CCDC102B: variants seen among roughly 807,000 people sequenced by gnomAD.
CCDC102B encodes coiled-coil domain containing 102B, also known as coiled-coil domain-containing protein 102B.
In CCDC102B, 75 loss-of-function variants were observed where a neutral mutation model predicts 57.4. The observed-to-expected ratio is 1.31, with a 90% CI of 1.08 to 1.58. CCDC102B has a LOEUF of 1.58. Ranked by LOEUF, CCDC102B falls within the 40% of genes most tolerant of loss-of-function variation. CCDC102B has a pLI of 0.00. For synonymous variants in CCDC102B, 206 were observed against 201.9 expected, an observed-to-expected ratio of 1.02 and a Z score of -0.17; for missense variants, 636 against 582.6, an observed-to-expected ratio of 1.09 and a Z score of -0.94.
chr18:68,984,215 C>T (rs1446610396), intron 6 of CCDC102B, among the ~76,000 whole-genome samples: 3 of 151,844 alleles, frequency 2.0e-5, no homozygotes, highest in Non-Finnish European at 4.4e-5. Context: ...CTATGAGCTA[C>T]CACAGGCTTG....
At chr18:68,727,053 C>T (rs11876476) in intron 2 of CCDC102B, among the ~76,000 whole-genome samples, 3,337 of 152,210 alleles carry the variant, frequency 0.022, 126 homozygotes, top group African/African-American at 0.075. Context: ...AAATCGTTAT[C>T]ATCTACTTTG....
At chr18:68,797,203 T>G (rs901097317), upstream of CCDC102B, among the ~76,000 whole-genome samples, 4 of 152,032 alleles carry the variant, frequency 2.6e-5, no homozygotes, top group African/African-American at 9.7e-5. Flanking sequence ...GAATGTTAAG[T>G]AGAGATAGAT....
chr18:68,951,961 A>G lies in CCDC102B; in HGVS notation c.1263+54533A>G, dbSNP rs955498364. Among the ~76,000 whole-genome samples, 7 of 152,244 alleles carry G rather than the reference A, an allele frequency of 4.6e-5. No individual in the cohort carries two copies. The East Asian group carries it at 1.2e-3, about 25-fold the overall frequency. On this transcript the variant is annotated intron_variant, in intron 6 of 7. Transcript: ENST00000360242. ...GATTCTCATTATTTATTTCCTTTCC[A>G]TTAGTATCCATACACATATTTAAAC...
At chr18:69,029,639 T>C (rs983539481) in intron 7 of CCDC102B, among the ~76,000 whole-genome samples, 2 of 152,316 alleles carry the variant, frequency 1.3e-5, no homozygotes, top group East Asian at 1.9e-4. Flanking sequence ...GAGGATATTT[T>C]TGGAGGTTCA....
At chr18:68,870,287 A>T (rs559197289) in intron 4 of CCDC102B, among the ~76,000 whole-genome samples, 2 of 152,280 alleles carry the variant, frequency 1.3e-5, no homozygotes, top group African/African-American at 4.8e-5. Flanking sequence ...GCAGCAAACC[A>T]CCATGACACA....
chr18:68,972,645 T>A (rs952984726), intron 6 of CCDC102B, among the ~76,000 whole-genome samples: 3 of 152,172 alleles, frequency 2.0e-5, no homozygotes, highest in African/African-American at 7.2e-5. Flanking sequence ...TGAATTTTAG[T>A]TTTAGGAATC....
chr18:68,912,939 T>C (rs1259644601), intron 6 of CCDC102B, among the ~76,000 whole-genome samples: 3 of 152,208 alleles, frequency 2.0e-5, no homozygotes, highest in African/African-American at 4.8e-5. Context: ...AATGCAATAT[T>C]TCCTTGGAAT....
intron 1 of CCDC102B, among the ~76,000 whole-genome samples, chr18:68,823,746 A>G (rs1326518731): frequency 1.3e-5 from 2 of 152,154 alleles, no homozygotes; most frequent in African/African-American, 4.8e-5. Context: ...AATAATGGCC[A>G]TTCTAACTTG....
chr18:69,048,231 T>C (rs2052615277), intron 7 of CCDC102B, among the ~76,000 whole-genome samples: 1 of 151,816 alleles, frequency 6.6e-6, no homozygotes, highest in Non-Finnish European at 1.5e-5. Flanking sequence ...TGTTTTTTTT[T>C]TCCCAAGTAG....
At chr18:68,749,444 T>G (rs1003523469) in intron 2 of CCDC102B, among the ~76,000 whole-genome samples, 3 of 152,234 alleles carry the variant, frequency 2.0e-5, no homozygotes, top group African/African-American at 4.8e-5. Context: ...TGTCCTCTTC[T>G]ATTTCATTGA....
intron 6 of CCDC102B, among the ~76,000 whole-genome samples, chr18:68,994,682 T>G (rs868358645): frequency 7.9e-5 from 12 of 152,304 alleles, no homozygotes; most frequent in South Asian, 6.2e-4. Flanking sequence ...AAGAAAGTGC[T>G]TTGCTTCCCC....
At chr18:69,026,092 C>T (rs968902901) in intron 7 of CCDC102B, among the ~76,000 whole-genome samples, 20 of 152,124 alleles carry the variant, frequency 1.3e-4, no homozygotes, top group Non-Finnish European at 2.9e-5. Flanking sequence ...AGGCAGAACT[C>T]ATTCTGCGGG....
intron 2 of CCDC102B, among the ~76,000 whole-genome samples, chr18:68,760,755 T>C (rs761418702): frequency 1.3e-5 from 2 of 151,988 alleles, no homozygotes; most frequent in Admixed American, 6.6e-5. Flanking sequence ...GTCTGAAATA[T>C]GAATAGGAGT....
At chr18:68,930,605 C>T (rs898658802) in intron 6 of CCDC102B, among the ~76,000 whole-genome samples, 2 of 151,862 alleles carry the variant, frequency 1.3e-5, no homozygotes, top group Admixed American at 6.6e-5. Context: ...GCCTTCTGCT[C>T]TATCTCTGTT....
intron 4 of CCDC102B, among the ~76,000 whole-genome samples, chr18:68,858,541 C>G (rs9947870): frequency 0.66 from 99,962 of 152,008 alleles, 33,821 homozygotes; most frequent in Non-Finnish European, 0.73. Flanking sequence ...GCTTGAAGTT[C>G]TCCTACCATC....
chr18:68,847,834 A>G (rs1355952279), intron 4 of CCDC102B, among the ~76,000 whole-genome samples: 2 of 151,830 alleles, frequency 1.3e-5, no homozygotes, highest in Non-Finnish European at 2.9e-5. Flanking sequence ...TTGAATAATG[A>G]AGGCAGTGAA....
chr18:68,920,115 C>T (rs996458669), intron 6 of CCDC102B, among the ~76,000 whole-genome samples: 4 of 152,050 alleles, frequency 2.6e-5, no homozygotes, highest in Non-Finnish European at 5.9e-5. Flanking sequence ...TCTCCCTCTC[C>T]CACCCTCCAC....
At chr18:68,945,868 G>T (rs1368741882) in intron 6 of CCDC102B, among the ~76,000 whole-genome samples, 1 of 151,990 alleles carries the variant, frequency 6.6e-6, no homozygotes, top group African/African-American at 2.4e-5. Flanking sequence ...CGTTGACCTT[G>T]CACACTACTG....
chr18:68,751,811 A>T, intron 2 of CCDC102B, among the ~76,000 whole-genome samples: 2 of 152,330 alleles, frequency 1.3e-5, no homozygotes, highest in South Asian at 4.1e-4. Context: ...TCAGGAAGAT[A>T]ATGACAGAAT....
Sources: gnomAD v4.1 joint callset for allele counts (sites outside exome capture counted in the v4.1 genomes callset) on GRCh38, gnomAD v4.1.1 for gene constraint, MANE v1.5 for transcripts, NCBI Gene and HGNC (gene_info 2026-07-23, HGNC 2026-07-21) for gene names.